The following KCNQ3 variants were observed in gnomAD, a reference collection of about 807,000 sequenced individuals.
The protein encoded by KCNQ3 is potassium voltage-gated channel subfamily Q member 3.
KCNQ3 carries 30 observed loss-of-function variants against 92.5 expected under a neutral mutation model. The ratio of observed to expected loss-of-function variants is 0.32; its 90% CI spans 0.24 to 0.44. The LOEUF (loss-of-function observed/expected upper bound fraction) is 0.44, where lower values mean the gene tolerates loss of function less well. Ranked by LOEUF, KCNQ3 falls within the 20% of genes least tolerant of loss-of-function variation. The pLI, the probability that KCNQ3 is intolerant of heterozygous loss-of-function variation, is 1.00. For synonymous variants in KCNQ3, 450 were observed against 468.8 expected (o/e 0.96, Z 0.52); for missense variants, 913 against 1,140.3 (o/e 0.80, Z 2.87).
intron 1 of KCNQ3, among the ~76,000 whole-genome samples, chr8:132,192,835 C>T (rs1827199627): frequency 1.3e-5 from 2 of 152,050 alleles, no homozygotes; most frequent in Admixed American, 6.6e-5. Flanking sequence ...ATTTTTAAAA[C>T]GAGATTTCAC....
At chr8:132,260,113 T>C (rs1815729958) in intron 1 of KCNQ3, among the ~76,000 whole-genome samples, 1 of 152,230 alleles carries the variant, frequency 6.6e-6, no homozygotes, top group Non-Finnish European at 1.5e-5. Flanking sequence ...AAATTCCTAG[T>C]TGTAGAATTT....
At chr8:132,388,636 A>C (rs750751109) in intron 1 of KCNQ3, among the ~76,000 whole-genome samples, 3 of 152,216 alleles carry the variant, frequency 2.0e-5, no homozygotes, top group Non-Finnish European at 4.4e-5. Flanking sequence ...GAGGGGTTAA[A>C]GTTTCATTCA....
At chr8:132,479,949 AACACACACACACACACACACACACACAC>A (rs371967111) in intron 1 of KCNQ3, among the ~76,000 whole-genome samples, 170 bp downstream of exon 1, 1 of 137,094 alleles carries the variant, frequency 7.3e-6, no homozygotes, top group Admixed American at 7.2e-5. Flanking sequence ...GGAGAGCGGC[AACACACACACACACACACACACACACAC>A]ACACACACAC....
intron 1 of KCNQ3, among the ~76,000 whole-genome samples, chr8:132,394,710 C>T (rs1465174578): frequency 6.6e-6 from 1 of 152,100 alleles, no homozygotes; most frequent in Admixed American, 6.6e-5. Context: ...TCAAGGACTT[C>T]CCAGATCATG....
At chr8:132,412,251 C>G (rs1820670598) in intron 1 of KCNQ3, among the ~76,000 whole-genome samples, 1 of 152,160 alleles carries the variant, frequency 6.6e-6, no homozygotes, top group African/African-American at 2.4e-5. Flanking sequence ...ATTAAAAATG[C>G]AAACTTTGTA....
intron 4 of KCNQ3, 83 bp from the exon 5 acceptor site, chr8:132,175,691 A>G: frequency 7.4e-7 from 1 of 1,347,124 alleles, no homozygotes; most frequent in Non-Finnish European, 1.0e-6. Context: ...CCAGAGTTAG[A>G]GTCCAAGTTT....
At chr8:132,251,083 A>G (rs13280878) in intron 1 of KCNQ3, among the ~76,000 whole-genome samples, 66,460 of 152,014 alleles carry the variant, frequency 0.44, 16,854 homozygotes, top group East Asian at 0.68. Context: ...CCTGGGCAAC[A>G]TGGTGAAACC....
intron 1 of KCNQ3, among the ~76,000 whole-genome samples, chr8:132,336,469 A>G (rs947602848): frequency 2.0e-5 from 3 of 152,204 alleles, no homozygotes; most frequent in African/African-American, 7.2e-5. Flanking sequence ...GGGTTGGAGG[A>G]TAATATTCAT....
chr8:132,477,928 C>T (rs927701893), intron 1 of KCNQ3, among the ~76,000 whole-genome samples: 1 of 152,176 alleles, frequency 6.6e-6, no homozygotes, highest in African/African-American at 2.4e-5. Context: ...CATTCAAATG[C>T]GAGCTCCAGG....
intron 1 of KCNQ3, among the ~76,000 whole-genome samples, chr8:132,317,492 T>G (rs565003842): frequency 6.6e-6 from 1 of 152,202 alleles, no homozygotes; most frequent in Admixed American, 6.5e-5. Context: ...AGTGATGAGT[T>G]TGACTTAAAC....
chr8:132,381,240 C>A (rs1428378584), intron 1 of KCNQ3, among the ~76,000 whole-genome samples: 5 of 152,226 alleles, frequency 3.3e-5, no homozygotes, highest in Non-Finnish European at 7.3e-5. Context: ...AACATTCAAG[C>A]CCAGATCGGT....
chr8:132,334,996 T>C (rs1818327728), intron 1 of KCNQ3, among the ~76,000 whole-genome samples: 1 of 36,982 alleles, frequency 2.7e-5, no homozygotes, highest in South Asian at 8.1e-4. Context: ...ACATTTTTCT[T>C]CCTTCCTTCC....
chr8:132,296,059 T>C (rs1049922030), intron 1 of KCNQ3, among the ~76,000 whole-genome samples: 3 of 152,148 alleles, frequency 2.0e-5, no homozygotes, highest in African/African-American at 4.8e-5. Context: ...AATAATAAAG[T>C]TATTGGGCAC....
intron 1 of KCNQ3, among the ~76,000 whole-genome samples, chr8:132,355,950 T>C (rs16904671): frequency 0.55 from 83,067 of 152,142 alleles, 25,634 homozygotes; most frequent in African/African-American, 0.85. Context: ...AAAAGGCAAA[T>C]GTCATCTTGA....
chr8:132,138,678 T>A (rs1825185216), intron 11 of KCNQ3, among the ~76,000 whole-genome samples: 1 of 152,232 alleles, frequency 6.6e-6, no homozygotes, highest in African/African-American at 2.4e-5. Context: ...TAAAGTTAAC[T>A]TCTGTTGAGC....
chr8:132,159,125 A>AGTT (rs1825902485), intron 9 of KCNQ3, among the ~76,000 whole-genome samples: 1 of 152,220 alleles, frequency 6.6e-6, no homozygotes, highest in South Asian at 2.1e-4. Flanking sequence ...TCTACTGAAT[A>AGTT]GTTATTATTG....
chr8:132,185,332 C>G (rs1316877208), intron 2 of KCNQ3, among the ~76,000 whole-genome samples: 1 of 152,254 alleles, frequency 6.6e-6, no homozygotes, highest in Non-Finnish European at 1.5e-5. Flanking sequence ...GTCGGCATTG[C>G]CCTGAAGAGG....
At position 132,121,228 on chromosome 8, in the gene KCNQ3, A is replaced by G. The variant is rs1824459732; in HGVS notation, c.*8034T>C. ...TGGATTCATGTCACTGGGAACCTCC[A>G]TTTGTTCTTCAAAGACTGGTGTTTT... On this transcript the variant is annotated 3_prime_UTR_variant, in exon 15 of 15. Coordinates refer to ENST00000388996, the MANE Select transcript of KCNQ3 (RefSeq NM_004519.4). 2 of 152,208 alleles carry G rather than the reference A, an allele frequency of 1.3e-5. No homozygotes were observed. Among genetic ancestry groups the G allele is most frequent in the African/African-American group, 4.8e-5 (2 of 41,452 alleles). The allele number at this position is 152,208 out of a possible 1,614,324, so 9.4% of individuals were successfully genotyped here.
intron 3 of KCNQ3, among the ~76,000 whole-genome samples, chr8:132,183,877 G>A (rs535450187): frequency 6.6e-6 from 1 of 152,336 alleles, no homozygotes; most frequent in Admixed American, 6.5e-5. Flanking sequence ...CAACCCGTCT[G>A]GAAATGTATG....
Sources: gnomAD v4.1 joint callset for allele counts (sites outside exome capture counted in the v4.1 genomes callset) on GRCh38, gnomAD v4.1.1 for gene constraint, MANE v1.5 for transcripts, NCBI Gene and HGNC (gene_info 2026-07-23, HGNC 2026-07-21) for gene names.